Variants in IKBKB observed in about 807,000 individuals in gnomAD.
IKBKB encodes inhibitor of nuclear factor kappa-B kinase subunit beta.
A neutral mutation model predicts 113.6 loss-of-function variants in IKBKB; 42 were observed. That is an observed-to-expected ratio of 0.37 (90% CI 0.29 to 0.48). The LOEUF (loss-of-function observed/expected upper bound fraction) is 0.48, where lower values mean the gene tolerates loss of function less well. Among genes scored for constraint, IKBKB ranks in the 20% least tolerant of loss-of-function variants. IKBKB has a pLI of 0.99. For missense variants in IKBKB, 673 were observed against 939.7 expected (o/e 0.72, Z 3.71); for synonymous variants, 296 against 361.3 (o/e 0.82, Z 2.05).
intron 2 of IKBKB, among the ~76,000 whole-genome samples, chr8:42,286,669 G>A (rs549272593): frequency 3.2e-4 from 49 of 152,168 alleles, no homozygotes; most frequent in Non-Finnish European, 6.0e-4. Flanking sequence ...GTTTTGCCAC[G>A]TTGCCCAGGC....
intron 21 of IKBKB, chr8:42,330,399 T>C: frequency 2.5e-6 from 2 of 814,208 alleles, no homozygotes; most frequent in Non-Finnish European, 3.0e-6. Context: ...TTGCCCAGGC[T>C]GGTCTTGAAC....
Position 42,271,987 on chromosome 8 carries a change from A to G in IKBKB, c.-18-96A>G, listed in dbSNP as rs3747811. On this transcript the variant is annotated intron_variant, in intron 1 of 21. Coordinates refer to ENST00000520810, the MANE Select transcript of IKBKB (RefSeq NM_001556.3). ...ACCAGTTGTATTTTTCTTCTCTCCC[A>G]TTCAAGAGCAGTGGTATCTCTTGCC... is the stretch of plus-strand genomic sequence containing the variant. The G allele has an allele frequency of 1.5e-4, 188 of 1,260,150 alleles. No individual in the cohort carries two copies. In the African/African-American group the frequency reaches 2.6e-3, roughly 18 times the overall value. 78.1% of individuals were successfully genotyped at this position (1,260,150 alleles called of 1,614,324 possible).
intron 5 of IKBKB, 82 bp from the exon 6 acceptor site, chr8:42,305,105 C>A: frequency 1.1e-6 from 1 of 897,518 alleles, no homozygotes; most frequent in Non-Finnish European, 1.9e-6. Flanking sequence ...GGGCATGCGG[C>A]ATTTATCTTT....
At chr8:42,275,467 C>T (rs946083930) in intron 2 of IKBKB, among the ~76,000 whole-genome samples, 1 of 152,076 alleles carries the variant, frequency 6.6e-6, no homozygotes, top group Non-Finnish European at 1.5e-5. Flanking sequence ...TTACAGGTGT[C>T]AGCCAACAGA....
At chr8:42,314,164 A>G (rs1396720736) in intron 8 of IKBKB, 158 bp from the exon 9 acceptor site, 3 of 651,706 alleles carry the variant, frequency 4.6e-6, no homozygotes, top group Non-Finnish European at 5.6e-6. Flanking sequence ...GCCTAGGAGC[A>G]ATAGGGTGTA....
chr8:42,295,783 G>A (rs1484348170), intron 5 of IKBKB, among the ~76,000 whole-genome samples: 1 of 151,960 alleles, frequency 6.6e-6, no homozygotes, highest in South Asian at 2.1e-4. Flanking sequence ...TCATATGGTT[G>A]TTTATTCTGC....
chr8:42,296,056 T>A (rs1180098313), intron 5 of IKBKB, among the ~76,000 whole-genome samples: 1 of 152,242 alleles, frequency 6.6e-6, no homozygotes, highest in Non-Finnish European at 1.5e-5. Context: ...ATTCTCTGTC[T>A]GTCTTCTCTG....
rs1821666981 is a variant in IKBKB at position 42,331,356 on chromosome 8, T to TA, written c.*378dup. 14 of 702,878 alleles carry TA rather than the reference T, an allele frequency of 2.0e-5. 1 individual carries two copies. The East Asian group carries it at 3.8e-4, about 19-fold the overall frequency. The allele number at this position is 702,878 out of a possible 1,614,324, so 43.5% of individuals were successfully genotyped here. The stretch of plus-strand genomic sequence containing the variant: ...TCTGCCGTGAGAAAAGTGCTTGGAG[T>TA]ACGGTTTGCCACACACGTGACTGGA... On this transcript the variant is annotated 3_prime_UTR_variant, in exon 22 of 22. Coordinates refer to ENST00000520810, the MANE Select transcript of IKBKB (RefSeq NM_001556.3).
Position 42,308,896 on chromosome 8 carries a change from T to C in IKBKB, c.568-5T>C. 1 of 1,613,944 alleles carries C rather than the reference T, an allele frequency of 6.2e-7. No individual in the cohort carries two copies. Among genetic ancestry groups the C allele is most frequent in the Non-Finnish European group, 8.5e-7 (1 of 1,179,874 alleles). ...GCTCAGGTGTACCCCCTCCTGTTGC[T>C]GCAGGCCCCAGAGCTACTGGAGCAG... On this transcript the variant is annotated splice_polypyrimidine_tract_variant and splice_region_variant and intron_variant, in intron 7 of 21. Coordinates refer to ENST00000520810, the MANE Select transcript of IKBKB (RefSeq NM_001556.3).
chr8:42,288,797 G>A, intron 3 of IKBKB, 69 bp downstream of exon 3: 1 of 1,295,104 alleles, frequency 7.7e-7, no homozygotes, highest in Non-Finnish European at 1.1e-6. Flanking sequence ...CTAGAAAGGA[G>A]AGTCTTGCTG....
At chr8:42,298,355 C>G in intron 5 of IKBKB, 1 of 985,446 alleles carries the variant, frequency 1.0e-6, no homozygotes, top group Non-Finnish European at 1.2e-6. Flanking sequence ...GAACCCACCC[C>G]TCTGTTGCTG....
intron 4 of IKBKB, among the ~76,000 whole-genome samples, chr8:42,290,832 C>G (rs1327581842): frequency 2.0e-5 from 3 of 152,236 alleles, no homozygotes; most frequent in African/African-American, 7.2e-5. Flanking sequence ...TCTCCACCTT[C>G]TCACCACACC....
intron 5 of IKBKB, among the ~76,000 whole-genome samples, chr8:42,295,584 G>A (rs914461854): frequency 5.3e-5 from 8 of 152,198 alleles, no homozygotes; most frequent in African/African-American, 1.4e-4. Context: ...AATTAGCTGG[G>A]CATGGTGACG....
intron 2 of IKBKB, among the ~76,000 whole-genome samples, chr8:42,279,912 G>A (rs560503224): frequency 1.3e-5 from 2 of 152,140 alleles, no homozygotes; most frequent in African/African-American, 4.8e-5. Context: ...GCAGTGGCTC[G>A]ATCAGGGCTC....
chr8:42,308,304 CTT>C (rs71548577), intron 7 of IKBKB, among the ~76,000 whole-genome samples: 1 of 115,620 alleles, frequency 8.6e-6, no homozygotes, highest in Non-Finnish European at 1.8e-5. Flanking sequence ...TTCTTTCTTT[CTT>C]TTTTTTTTTT....
intron 1 of IKBKB, chr8:42,271,836 G>A (rs1047904142): frequency 9.1e-6 from 5 of 550,236 alleles, no homozygotes; most frequent in African/African-American, 5.8e-5. Flanking sequence ...CGTGGGCATC[G>A]CCTCCCTCGG....
chr8:42,272,573 T>G, intron 2 of IKBKB: 2 of 329,054 alleles, frequency 6.1e-6, no homozygotes, highest in Non-Finnish European at 1.1e-5. Context: ...AATATTTTAA[T>G]TCCTTGAGGC....
chr8:42,298,997 T>G (rs1362203840), intron 5 of IKBKB, among the ~76,000 whole-genome samples: 2 of 152,120 alleles, frequency 1.3e-5, no homozygotes, highest in Admixed American at 6.5e-5. Context: ...TGGCCGTTCT[T>G]GTGGCCTGTT....
At chr8:42,309,047 G>A in intron 8 of IKBKB, 22 bp downstream of exon 8, 1 of 1,608,996 alleles carries the variant, frequency 6.2e-7, no homozygotes, top group Non-Finnish European at 8.5e-7. Context: ...CGGGGCACCT[G>A]GATGGAGGAG....
Sources: gnomAD v4.1 joint callset for allele counts (sites outside exome capture counted in the v4.1 genomes callset) on GRCh38, gnomAD v4.1.1 for gene constraint, MANE v1.5 for transcripts, NCBI Gene and HGNC (gene_info 2026-07-23, HGNC 2026-07-21) for gene names.